Variants in VWA3B observed in about 807,000 individuals in gnomAD.
VWA3B encodes von Willebrand factor A domain-containing protein 3B.
Under a neutral mutation model 158.3 loss-of-function variants are expected in VWA3B, and 138 were observed. The ratio of observed to expected loss-of-function variants is 0.87; its 90% CI spans 0.76 to 1.00. VWA3B has a LOEUF of 1.00. VWA3B is among the 50% of genes least tolerant of loss of function. The probability of loss-of-function intolerance (pLI) is 0.00; values close to 1 mark genes in which losing one functional copy is unlikely to be tolerated. For synonymous variants in VWA3B, 596 were observed against 587.3 expected (o/e 1.01, Z -0.21); for missense variants, 1,555 against 1,565.1 (o/e 0.99, Z 0.11).
At chr2:98,143,245 G>A (rs1676923359) in intron 7 of VWA3B, among the ~76,000 whole-genome samples, 1 of 152,076 alleles carries the variant, frequency 6.6e-6, no homozygotes, top group South Asian at 2.1e-4. Flanking sequence ...CACCATGTTG[G>A]GCAGGCTGGT....
intron 24 of VWA3B, among the ~76,000 whole-genome samples, 196 bp downstream of exon 24, chr2:98,298,227 C>T (rs933432201): frequency 1.3e-5 from 2 of 152,178 alleles, no homozygotes; most frequent in Admixed American, 6.5e-5. Flanking sequence ...GTGACCCTGA[C>T]CTGCCAACTC....
chr2:98,288,703 C>A (rs1450194279), intron 22 of VWA3B, among the ~76,000 whole-genome samples: 2 of 152,078 alleles, frequency 1.3e-5, no homozygotes, highest in Non-Finnish European at 2.9e-5. Flanking sequence ...TTACTCTCAT[C>A]CCTCCCCTCT....
chr2:98,260,816 A>T (rs538339358), intron 21 of VWA3B, among the ~76,000 whole-genome samples: 1 of 151,928 alleles, frequency 6.6e-6, no homozygotes, highest in East Asian at 1.9e-4. Context: ...AATTTATAAC[A>T]AATCTATTTT....
intron 3 of VWA3B, among the ~76,000 whole-genome samples, chr2:98,116,444 T>C (rs1184671242): frequency 6.6e-6 from 1 of 152,176 alleles, no homozygotes; most frequent in Non-Finnish European, 1.5e-5. Context: ...AGAATGCCAA[T>C]GAGTCATGGG....
chr2:98,161,402 C>G (rs1206200772), intron 7 of VWA3B, among the ~76,000 whole-genome samples: 2 of 152,148 alleles, frequency 1.3e-5, no homozygotes, highest in Non-Finnish European at 2.9e-5. Flanking sequence ...GGGCAGGGTG[C>G]CTCGAAGGAA....
intron 16 of VWA3B, among the ~76,000 whole-genome samples, chr2:98,231,934 G>T (rs1384068072): frequency 6.6e-6 from 1 of 152,122 alleles, no homozygotes; most frequent in East Asian, 1.9e-4. Context: ...GTTCATGAAA[G>T]CTATTGATCT....
intron 19 of VWA3B, among the ~76,000 whole-genome samples, chr2:98,238,700 G>A (rs1685870150): frequency 3.9e-5 from 6 of 152,086 alleles, no homozygotes; most frequent in Admixed American, 1.3e-4. Context: ...TAAATAAAAT[G>A]AAGACAAATC....
intron 20 of VWA3B, among the ~76,000 whole-genome samples, chr2:98,255,861 C>G (rs1687101651): frequency 6.6e-6 from 1 of 152,160 alleles, no homozygotes; most frequent in Non-Finnish European, 1.5e-5. Context: ...ACCAGTTTGT[C>G]AACTGCCTTT....
rs377686182 is a variant in VWA3B, at chr2:98,230,117, G to T, written c.2218G>T (p.Asp740Tyr). The change falls in exon 16 of 28, where the codon GAT (aspartate) becomes TAT (tyrosine). Residue 740 changes from aspartate to tyrosine, a missense_variant. Transcript: ENST00000477737. ...GTGTGCAAAGCCTCAATCTGATGTCGATTCAACACAAACTTCATCTCTGAA... is the reference window on the plus strand; with the variant it reads ...GTGTGCAAAGCCTCAATCTGATGTCTATTCAACACAAACTTCATCTCTGAA... The part of the protein sequence containing the change: ...EKCAKPQSDV[D>Y]STQTSSLNML... The T allele has an allele frequency of 6.2e-7, 1 of 1,611,326 alleles. No individual in the cohort carries two copies. Among genetic ancestry groups the T allele is most frequent in the East Asian group, 2.2e-5 (1 of 44,760 alleles).
At chr2:98,192,596 G>C (rs1237719037) in intron 10 of VWA3B, among the ~76,000 whole-genome samples, 4 of 152,188 alleles carry the variant, frequency 2.6e-5, no homozygotes, top group Non-Finnish European at 5.9e-5. Context: ...GTAGGTCACA[G>C]GGGATATGAT....
At chr2:98,205,911 T>C (rs1682977107) in intron 12 of VWA3B, among the ~76,000 whole-genome samples, 1 of 152,246 alleles carries the variant, frequency 6.6e-6, no homozygotes, top group African/African-American at 2.4e-5. Context: ...TTCAAATCTT[T>C]TAAATTTGTT....
chr2:98,136,450 C>A (rs1352431276), intron 7 of VWA3B, among the ~76,000 whole-genome samples: 1 of 152,104 alleles, frequency 6.6e-6, no homozygotes, highest in Admixed American at 6.5e-5. Flanking sequence ...ACTTATTGCT[C>A]ACAGTTCTGG....
intron 12 of VWA3B, among the ~76,000 whole-genome samples, chr2:98,201,867 C>G (rs555024199): frequency 6.6e-6 from 1 of 152,134 alleles, no homozygotes; most frequent in Non-Finnish European, 1.5e-5. Flanking sequence ...GGGATAATCT[C>G]CACTTGTTCA....
intron 22 of VWA3B, among the ~76,000 whole-genome samples, chr2:98,285,379 A>G (rs185519934): frequency 1.4e-3 from 212 of 152,184 alleles, no homozygotes; most frequent in Non-Finnish European, 2.4e-3. Context: ...ATTATTATGA[A>G]TAATGCTGAT....
At chr2:98,299,817 A>G (rs183250971) in intron 24 of VWA3B, among the ~76,000 whole-genome samples, 3 of 152,298 alleles carry the variant, frequency 2.0e-5, no homozygotes. Flanking sequence ...AACCCTCACC[A>G]TCTTGCTGGC....
rs760207245 is a variant in VWA3B, at chr2:98,300,213, G to T, written c.3417G>T (p.Arg1139=). 6 of 1,613,932 alleles carry T rather than the reference G, an allele frequency of 3.7e-6. No individual in the cohort carries two copies. In the East Asian group the frequency reaches 1.3e-4, roughly 36 times the overall value. The part of the protein sequence containing the change: ...KFYTVLKCNN[R]REFCPRSALI... ...ACACAGTTTTGAAGTGTAACAACCG[G>T]AGAGTAAGTAGATTTTCATTTAGAA... Residue 1139 remains arginine, a synonymous_variant, in exon 25 of 28, where the codon CGG becomes CGT. Transcript: ENST00000477737.
chr2:98,297,471 G>A (rs1233782565), intron 23 of VWA3B, among the ~76,000 whole-genome samples: 1 of 152,146 alleles, frequency 6.6e-6, no homozygotes, highest in Non-Finnish European at 1.5e-5. Flanking sequence ...AATTTGGATG[G>A]GAGTTTATAT....
chr2:98,276,646 T>C (rs1688541484), intron 22 of VWA3B, among the ~76,000 whole-genome samples: 1 of 145,388 alleles, frequency 6.9e-6, no homozygotes, highest in Admixed American at 6.8e-5. Flanking sequence ...CAGAGGGCTG[T>C]GGCCATTGCG....
At position 98,310,725 on chromosome 2, in the gene VWA3B, C is replaced by T. The variant is rs369269263; in HGVS notation, c.3522-1094C>T. ...TCTCTCAGAACCTGCTATCACAGAA[C>T]CTATACATCCACACAAGCGCTGGCC... On this transcript the variant is annotated intron_variant, in intron 26 of 27. Coordinates refer to ENST00000477737, the MANE Select transcript of VWA3B (RefSeq NM_144992.5). Among the ~76,000 whole-genome samples, 49 of 152,314 alleles carry T rather than the reference C, an allele frequency of 3.2e-4. No homozygotes were observed. In the East Asian group the frequency reaches 5.2e-3, roughly 16 times the overall value.
Sources: gnomAD v4.1 joint callset for allele counts (sites outside exome capture counted in the v4.1 genomes callset) on GRCh38, gnomAD v4.1.1 for gene constraint, MANE v1.5 for transcripts, NCBI Gene and HGNC (gene_info 2026-07-23, HGNC 2026-07-21) for gene names.